Variants in TRHDE observed in about 807,000 individuals in gnomAD.
TRHDE encodes the protein thyrotropin-releasing hormone-degrading ectoenzyme.
Under a neutral mutation model 125.7 loss-of-function variants are expected in TRHDE, and 72 were observed. The ratio of observed to expected loss-of-function variants is 0.57; its 90% CI spans 0.47 to 0.70. TRHDE has a LOEUF of 0.70. Ranked by LOEUF, TRHDE falls within the 30% of genes least tolerant of loss-of-function variation. The pLI, the probability that TRHDE is intolerant of heterozygous loss-of-function variation, is 0.00. For synonymous variants in TRHDE, 509 were observed against 509.1 expected, an observed-to-expected ratio of 1.00 and a Z score of 0.00; for missense variants, 1,110 against 1,327.1, an observed-to-expected ratio of 0.84 and a Z score of 2.54.
chr12:72,491,308 C>T (rs759135283), intron 5 of TRHDE, among the ~76,000 whole-genome samples: 2 of 151,726 alleles, frequency 1.3e-5, no homozygotes, highest in Non-Finnish European at 2.9e-5. Context: ...ACAACCTGTT[C>T]GTAATTATTA....
intron 2 of TRHDE, among the ~76,000 whole-genome samples, chr12:72,185,945 C>T (rs563537169): frequency 2.0e-5 from 3 of 152,214 alleles, no homozygotes; most frequent in African/African-American, 7.2e-5. Context: ...CTGATGGGGA[C>T]GTGGAGAACC....
chr12:72,233,509 C>G (rs1169330167), intron 2 of TRHDE, among the ~76,000 whole-genome samples: 3 of 151,930 alleles, frequency 2.0e-5, no homozygotes, highest in Admixed American at 1.3e-4. Flanking sequence ...AACACAGAAG[C>G]ATTAAAAAAG....
chr12:72,557,706 A>G (rs912012847), intron 7 of TRHDE, among the ~76,000 whole-genome samples: 1 of 152,188 alleles, frequency 6.6e-6, no homozygotes, highest in Non-Finnish European at 1.5e-5. Context: ...TATGAAGCAC[A>G]TCACTTGTTA....
At chr12:72,446,973 C>T (rs1191591114) in intron 3 of TRHDE, among the ~76,000 whole-genome samples, 5 of 152,108 alleles carry the variant, frequency 3.3e-5, no homozygotes, top group Non-Finnish European at 5.9e-5. Flanking sequence ...AGAAAGTTAA[C>T]AAGGATATCC....
rs772923967 is a variant in TRHDE at position 72,463,549 on chromosome 12, G to GTA, written c.1316-6209_1316-6208insTA. Among the ~76,000 whole-genome samples, 6 of 152,274 alleles carry GTA rather than the reference G, an allele frequency of 3.9e-5. No homozygotes were observed. In the South Asian group the frequency reaches 1.2e-3, roughly 32 times the overall value. On this transcript the variant is annotated intron_variant, in intron 3 of 18. Transcript: ENST00000261180. ...ACTATCTGAGGTCACATATCAGAGA[G>GTA]CATCTCCTGTACTCTTCTCACACTT...
intron 3 of TRHDE, among the ~76,000 whole-genome samples, chr12:72,467,270 TC>T (rs1486750165): frequency 1.4e-4 from 21 of 151,698 alleles, no homozygotes; most frequent in African/African-American, 5.1e-4. Context: ...TATACGATGT[TC>T]CCCTTCCTGT....
intron 2 of TRHDE, chr12:72,140,286 A>C (rs998828026): frequency 2.0e-5 from 3 of 152,248 alleles, no homozygotes; most frequent in African/African-American, 7.2e-5. Context: ...ATTTCAACTC[A>C]GACACTCCCT....
At chr12:72,370,394 G>A (rs2135762894) in intron 2 of TRHDE, among the ~76,000 whole-genome samples, 1 of 152,186 alleles carries the variant, frequency 6.6e-6, no homozygotes, top group East Asian at 1.9e-4. Context: ...CTTCACTGCA[G>A]CCAATGTAGT....
rs533441810 is a variant in TRHDE at position 72,656,632 on chromosome 12, T to C, written c.2985-295T>C. ...TTGTTCTCAGGCCTTGGCTTGGAAA[T>C]ATACTGTTAATCCCTAAATCCAGTT... On this transcript the variant is annotated intron_variant, in intron 17 of 18. Coordinates refer to ENST00000261180, the MANE Select transcript of TRHDE (RefSeq NM_013381.3). Among the ~76,000 whole-genome samples the C allele has an allele frequency of 2.6e-5, 4 of 152,254 alleles. No individual in the cohort carries two copies. The South Asian group carries it at 8.3e-4, about 32-fold the overall frequency.
At chr12:72,542,425 G>A in intron 7 of TRHDE, 69 bp downstream of exon 7, 1 of 1,335,630 alleles carries the variant, frequency 7.5e-7, no homozygotes, top group Non-Finnish European at 1.0e-6. Context: ...TTAGGAAATG[G>A]CTAATACAAA....
chr12:72,625,947 G>T (rs1378909274), intron 15 of TRHDE, among the ~76,000 whole-genome samples: 1 of 151,968 alleles, frequency 6.6e-6, no homozygotes, highest in African/African-American at 2.4e-5. Context: ...ATGTACATGG[G>T]TTGCATGGTG....
intron 15 of TRHDE, among the ~76,000 whole-genome samples, chr12:72,641,099 TTACCTGGATC>T (rs1874039794): frequency 6.6e-6 from 1 of 152,190 alleles, no homozygotes; most frequent in African/African-American, 2.4e-5. Context: ...TGACCTTGAC[TTACCTGGATC>T]TAGAGGCAGT....
At chr12:72,473,030 T>C in intron 4 of TRHDE, 37 bp from the exon 5 acceptor site, 1 of 1,463,048 alleles carries the variant, frequency 6.8e-7, no homozygotes, top group African/African-American at 1.4e-5. Context: ...GGGATAGATT[T>C]TATTTTATTT....
Position 72,562,912 on chromosome 12 carries a change from C to A in TRHDE, c.1914C>A (p.Leu638=). The change falls in exon 9 of 19, where the codon CTC becomes CTA. Residue 638 remains leucine, a synonymous_variant. Transcript: ENST00000261180. ...AAGAAGTAATGGATCAGTGGACACT[C>A]CAGATGGGTTATCCTGTTATCACCA... ...NIQEVMDQWT[L]QMGYPVITIL... 1 of 1,610,388 alleles carries A rather than the reference C, an allele frequency of 6.2e-7. No homozygotes were observed. The highest frequency in any genetic ancestry group is 8.5e-7 in the Non-Finnish European group (1 of 1,178,620).
At chr12:72,258,996 C>T (rs773355321) in intron 2 of TRHDE, among the ~76,000 whole-genome samples, 4 of 152,078 alleles carry the variant, frequency 2.6e-5, no homozygotes, top group Non-Finnish European at 5.9e-5. Context: ...TTAGGTTTCT[C>T]CACTATAATG....
chr12:72,225,865 G>T (rs938384175), intron 2 of TRHDE, among the ~76,000 whole-genome samples: 4 of 152,220 alleles, frequency 2.6e-5, no homozygotes, highest in Admixed American at 2.0e-4. Flanking sequence ...CTTTCAGGAA[G>T]TAGGTGAGTT....
intron 12 of TRHDE, among the ~76,000 whole-genome samples, chr12:72,589,045 A>C (rs1871560480): frequency 6.6e-6 from 1 of 152,168 alleles, no homozygotes; most frequent in Non-Finnish European, 1.5e-5. Context: ...GGTTTCTCCC[A>C]CACGTGGGGA....
intron 3 of TRHDE, among the ~76,000 whole-genome samples, chr12:72,427,226 C>T (rs751117000): frequency 1.3e-5 from 2 of 152,050 alleles, no homozygotes; most frequent in African/African-American, 2.4e-5. Flanking sequence ...AGTAGTATTA[C>T]CTGGAGACAG....
At chr12:72,582,010 G>A (rs1871253904) in intron 12 of TRHDE, among the ~76,000 whole-genome samples, 1 of 148,774 alleles carries the variant, frequency 6.7e-6, no homozygotes, top group African/African-American at 2.5e-5. Flanking sequence ...GCTGAGGCAG[G>A]AGAATTGCTT....
Sources: allele counts gnomAD v4.1 joint callset (sites outside exome capture counted in the v4.1 genomes callset), GRCh38; gene constraint gnomAD v4.1.1; transcripts MANE v1.5; gene names NCBI Gene and HGNC (gene_info 2026-07-23, HGNC 2026-07-21).